TNPO1: variants seen among roughly 807,000 people sequenced by gnomAD.
TNPO1 encodes the protein transportin 1.
Under a neutral mutation model 119.5 loss-of-function variants are expected in TNPO1, and 8 were observed. The ratio of observed to expected loss-of-function variants is 0.07; its 90% CI spans 0.04 to 0.12. TNPO1 has a LOEUF of 0.12. Among genes scored for constraint, TNPO1 ranks in the 10% least tolerant of loss-of-function variants. The pLI is 1.00. For missense variants in TNPO1, 576 were observed against 1,089.8 expected, an observed-to-expected ratio of 0.53 and a Z score of 6.64; for synonymous variants, 362 against 363.0, an observed-to-expected ratio of 1.00 and a Z score of 0.03.
chr5:72,848,311 G>C, intron 1 of TNPO1, 74 bp from the exon 2 acceptor site: 1 of 1,431,468 alleles, frequency 7.0e-7, no homozygotes, highest in East Asian at 2.8e-5. Context: ...TCAGCTGCGC[G>C]CGGGAAGCCT....
At chr5:72,878,898 G>A (rs956928042) in intron 9 of TNPO1, 1 of 510,486 alleles carries the variant, frequency 2.0e-6, no homozygotes, top group African/African-American at 2.0e-5. Context: ...GCATCACTCA[G>A]ATTTTGTGTC....
intron 1 of TNPO1, among the ~76,000 whole-genome samples, chr5:72,831,102 T>A (rs1744436281): frequency 6.6e-6 from 1 of 152,100 alleles, no homozygotes; most frequent in Non-Finnish European, 1.5e-5. Flanking sequence ...GTACTTTAGA[T>A]TTATTTATTT....
chr5:72,881,927 A>AAAAACT (rs1216340251), intron 9 of TNPO1, among the ~76,000 whole-genome samples: 1 of 152,206 alleles, frequency 6.6e-6, no homozygotes, highest in Non-Finnish European at 1.5e-5. Context: ...CAAAAAACAA[A>AAAAACT]AAAACTCAAA....
intron 14 of TNPO1, among the ~76,000 whole-genome samples, chr5:72,890,312 C>G (rs1288806159): frequency 1.3e-5 from 2 of 152,094 alleles, no homozygotes; most frequent in African/African-American, 2.4e-5. Flanking sequence ...CTTTAGAGTA[C>G]CATATCTAGA....
intron 12 of TNPO1, 73 bp downstream of exon 12, chr5:72,887,295 CT>C (rs1748723217): frequency 9.5e-7 from 1 of 1,050,226 alleles, no homozygotes; most frequent in African/African-American, 1.9e-5. Context: ...GGCTAGGCTA[CT>C]TTAAGGAATT....
At chr5:72,860,773 G>T (rs1036160189) in intron 4 of TNPO1, among the ~76,000 whole-genome samples, 4 of 152,320 alleles carry the variant, frequency 2.6e-5, no homozygotes, top group African/African-American at 9.6e-5. Context: ...TCTGGTTCCA[G>T]ATTAAGTCAG....
At chr5:72,901,872 T>TTCGAGAAG (rs1346826578) in intron 22 of TNPO1, among the ~76,000 whole-genome samples, 1 of 151,844 alleles carries the variant, frequency 6.6e-6, no homozygotes, top group Non-Finnish European at 1.5e-5. Context: ...AGGTCAGGAG[T>TTCGAGAAG]TCGAGACCAG....
intron 1 of TNPO1, among the ~76,000 whole-genome samples, chr5:72,822,657 A>G (rs1351420308): frequency 7.3e-6 from 1 of 137,354 alleles, no homozygotes; most frequent in Non-Finnish European, 1.5e-5. Context: ...CAGTGGCATG[A>G]TTTCGGCTCA....
chr5:72,861,609 G>T (rs748526338), intron 4 of TNPO1, among the ~76,000 whole-genome samples, 199 bp from the exon 5 acceptor site: 31 of 152,130 alleles, frequency 2.0e-4, no homozygotes, highest in Non-Finnish European at 4.0e-4. Context: ...TCATCATGTT[G>T]CCCAGGCTGG....
intron 1 of TNPO1, among the ~76,000 whole-genome samples, chr5:72,832,804 G>A (rs1200474327): frequency 6.6e-6 from 1 of 152,090 alleles, no homozygotes; most frequent in Non-Finnish European, 1.5e-5. Flanking sequence ...AAGTAGATGG[G>A]GAATGAATTC....
chr5:72,848,176 C>T (rs1407177326), intron 1 of TNPO1: 10 of 1,224,224 alleles, frequency 8.2e-6, no homozygotes, highest in Non-Finnish European at 1.0e-5. Flanking sequence ...CAGCAGCAGA[C>T]GCTGGCGGCC....
chr5:72,858,696 G>A (rs1208553128), intron 4 of TNPO1, among the ~76,000 whole-genome samples: 2 of 152,098 alleles, frequency 1.3e-5, no homozygotes, highest in Non-Finnish European at 2.9e-5. Context: ...AATTATCCGG[G>A]TGTGGTGGTG....
chr5:72,892,259 A>G (rs1749119422), intron 15 of TNPO1, among the ~76,000 whole-genome samples: 1 of 152,048 alleles, frequency 6.6e-6, no homozygotes, highest in African/African-American at 2.4e-5. Context: ...AAATTTGAAA[A>G]TGTTTCCATG....
chr5:72,861,880 G>A lies in TNPO1; in HGVS notation c.428G>A (p.Ser143Asn). The change falls in exon 5 of 25, where the codon AGC (serine) becomes AAC (asparagine). Residue 143 changes from serine to asparagine, a missense_variant. Physicochemically the swap from Ser to Asn is conservative, Grantham distance 46. Transcript: ENST00000337273. ...NWPDLLPKLCSLLDSEDYNTC... is the reference protein window; with the variant it reads ...NWPDLLPKLCNLLDSEDYNTC... The stretch of plus-strand genomic sequence containing the variant: ...CCTGACCTCTTACCAAAACTCTGTA[G>A]CCTGTTGGATTCTGAAGATTATAAT... 2 of 1,613,450 alleles carry A rather than the reference G, an allele frequency of 1.2e-6. No individual in the cohort carries two copies. Among genetic ancestry groups the A allele is most frequent in the Non-Finnish European group, 1.7e-6 (2 of 1,179,404 alleles).
intron 1 of TNPO1, among the ~76,000 whole-genome samples, chr5:72,831,176 G>T (rs1378900371): frequency 6.6e-6 from 1 of 152,006 alleles, no homozygotes; most frequent in Admixed American, 6.6e-5. Flanking sequence ...TGATTATTGA[G>T]ACAGTCTGTA....
chr5:72,900,572 T>G (rs529075488), intron 21 of TNPO1, among the ~76,000 whole-genome samples: 1 of 152,194 alleles, frequency 6.6e-6, no homozygotes, highest in African/African-American at 2.4e-5. Context: ...TGGCACTATA[T>G]CCTATGTTTT....
At chr5:72,904,976 C>T (rs1331920836) in intron 23 of TNPO1, among the ~76,000 whole-genome samples, 1 of 152,160 alleles carries the variant, frequency 6.6e-6, no homozygotes, top group East Asian at 1.9e-4. Context: ...CGGGTTTCCC[C>T]TTATCAAACC....
intron 6 of TNPO1, chr5:72,871,667 A>G (rs1039394998): frequency 7.9e-5 from 12 of 152,276 alleles, no homozygotes; most frequent in East Asian, 1.9e-4. Context: ...AAGTGAGTCT[A>G]TGAAAGATGG....
chr5:72,833,125 T>G (rs1398944922), intron 1 of TNPO1, among the ~76,000 whole-genome samples: 1 of 152,162 alleles, frequency 6.6e-6, no homozygotes, highest in Non-Finnish European at 1.5e-5. Flanking sequence ...AAACCTCCCC[T>G]TTTCTCTTAG....
Sources: allele counts gnomAD v4.1 joint callset (sites outside exome capture counted in the v4.1 genomes callset), GRCh38; gene constraint gnomAD v4.1.1; transcripts MANE v1.5; gene names NCBI Gene and HGNC (gene_info 2026-07-23, HGNC 2026-07-21).